Variants in ERO1A observed in about 807,000 individuals in gnomAD.
The protein encoded by ERO1A is endoplasmic reticulum oxidoreductase 1 alpha.
Under a neutral mutation model 76.9 loss-of-function variants are expected in ERO1A, and 49 were observed. That is an observed-to-expected ratio of 0.64 (90% CI 0.51 to 0.81). The LOEUF (loss-of-function observed/expected upper bound fraction) is 0.81. Ranked by LOEUF, ERO1A falls within the 30% of genes least tolerant of loss-of-function variation. The probability of loss-of-function intolerance (pLI) is 0.00; values close to 1 mark genes in which losing one functional copy is unlikely to be tolerated. For synonymous variants in ERO1A, 174 were observed against 181.2 expected, an observed-to-expected ratio of 0.96 and a Z score of 0.32; for missense variants, 448 against 542.1, an observed-to-expected ratio of 0.83 and a Z score of 1.72.
intron 1 of ERO1A, among the ~76,000 whole-genome samples, chr14:52,684,973 C>T (rs1322585324): frequency 6.6e-6 from 1 of 151,926 alleles, no homozygotes; most frequent in African/African-American, 2.4e-5. Flanking sequence ...TAGCATGCTC[C>T]AGAAAAGAGA....
chr14:52,685,661 C>G (rs890175060), intron 1 of ERO1A, among the ~76,000 whole-genome samples: 6 of 152,108 alleles, frequency 3.9e-5, no homozygotes, highest in Admixed American at 1.3e-4. Context: ...TCAAGGCATC[C>G]ATTCTTCCCC....
rs1392463455 is a variant in ERO1A at position 52,640,745 on chromosome 14, TGGA to T, written c.*2822_*2824del. On this transcript the variant is annotated 3_prime_UTR_variant, in exon 16 of 16. Transcript: ENST00000395686. ...TTAGACACTAAATGATAGGGGAAGG[TGGA>T]GGAGAGGAATGAGCCTAGAAAACTT... 2.0e-5 allele frequency: 3 copies of T among 151,698 alleles called. No homozygotes were observed. The East Asian group carries it at 5.8e-4, about 29-fold the overall frequency. 9.4% of individuals were successfully genotyped at this position (151,698 alleles called of 1,614,324 possible).
At chr14:52,687,704 T>C (rs2041222803) in intron 1 of ERO1A, among the ~76,000 whole-genome samples, 2 of 152,196 alleles carry the variant, frequency 1.3e-5, no homozygotes, top group Non-Finnish European at 2.9e-5. Context: ...GAATCTAAAT[T>C]TTTTTAAATG....
chr14:52,678,179 G>A (rs538485020), intron 4 of ERO1A: 5 of 269,582 alleles, frequency 1.9e-5, no homozygotes, highest in African/African-American at 6.6e-5. Context: ...GACAAGAATC[G>A]CTTGAACCGG....
rs977506822 is a variant in ERO1A at position 52,652,298 on chromosome 14, A to C, written c.1066T>G (p.Leu356Val). The change falls in exon 13 of 16, where the codon TTG becomes GTG. Residue 356 changes from leucine to valine, a missense_variant. Physicochemically the swap from Leu to Val is conservative, Grantham distance 32 (BLOSUM62 1). This residue lies in a region of ERO1A where 302 missense variants were observed against 411.9 expected (regional missense o/e 0.73). Transcript: ENST00000395686. ...AAAAATGAATTCTCATCAAAATGCA[A>C]AGGAAATGACCTGCGTTTTAAAACA... is the stretch of plus-strand genomic sequence containing the variant. Reference protein sequence around the residue: ...EILHEIKSFPLHFDENSFFAG... With the variant: ...EILHEIKSFPVHFDENSFFAG... The C allele has an allele frequency of 1.2e-6, 2 of 1,609,662 alleles. No homozygotes were observed. Among genetic ancestry groups the C allele is most frequent in the African/African-American group, 2.7e-5 (2 of 74,836 alleles).
intron 1 of ERO1A, among the ~76,000 whole-genome samples, chr14:52,692,089 G>C (rs983348008): frequency 6.6e-6 from 1 of 152,168 alleles, no homozygotes; most frequent in African/African-American, 2.4e-5. Flanking sequence ...CATGCAAATG[G>C]CTTGCTAAGC....
chr14:52,646,240 C>CT lies in ERO1A; in HGVS notation c.1259_1260insA (p.Ile421AspfsTer10). On this transcript the variant is annotated frameshift_variant, in exon 15 of 16. Transcript: ENST00000395686. LOFTEE classifies it high-confidence loss of function. Reference sequence around the variant, plus strand: ...GTCCACTTTCTGGCATATTTGCTATCAATTTCTCAGAAAATAAGATCTTCA... The same window carrying CT: ...GTCCACTTTCTGGCATATTTGCTATCTAATTTCTCAGAAAATAAGATCTTCA... 6.2e-7 allele frequency: 1 copy of CT among 1,613,840 alleles called. No homozygotes were observed.
intron 11 of ERO1A, among the ~76,000 whole-genome samples, chr14:52,654,414 G>A (rs2039976214): frequency 1.3e-5 from 2 of 151,860 alleles, no homozygotes; most frequent in Admixed American, 1.3e-4. Context: ...ACATAAGCCT[G>A]TATTTTTTTT....
intron 1 of ERO1A, among the ~76,000 whole-genome samples, chr14:52,686,644 G>A (rs986764012): frequency 6.6e-5 from 10 of 152,216 alleles, no homozygotes; most frequent in Non-Finnish European, 8.8e-5. Flanking sequence ...TTGGGTGGCC[G>A]AGGCAGGCGG....
In ERO1A at chr14:52,653,142, G is replaced by A. The variant is rs1485319706; in HGVS notation, c.982C>T (p.Gln328Ter). Residue 328 changes from glutamine (Q) to a stop codon, truncating the protein, a stop_gained, in exon 12 of 16, where the codon CAA becomes TAA. Transcript: ENST00000395686. LOFTEE classifies it high-confidence loss of function. The stretch of plus-strand genomic sequence containing the variant: ...TGAATTTTATTTCCAGTAAAGAGTT[G>A]AAAATCTGGGCGCTCGAAGAATGGT... Reference protein sequence around the residue: ...VLPFFERPDFQLFTGNKIQDE... With the variant: ...VLPFFERPDF 1.2e-6 allele frequency: 2 copies of A among 1,612,094 alleles called. No individual in the cohort carries two copies. Among genetic ancestry groups the A allele is most frequent in the East Asian group, 2.2e-5 (1 of 44,812 alleles).
chr14:52,671,765 A>C (rs1388879703), intron 5 of ERO1A, 30 bp downstream of exon 5: 1 of 1,590,566 alleles, frequency 6.3e-7, no homozygotes, highest in Admixed American at 1.7e-5. Flanking sequence ...ATAAAGAAAC[A>C]TGAAATACTG....
chr14:52,678,415 A>G lies in ERO1A; in HGVS notation c.357+19T>C. ...TTTTCATTAAGATACTGGACACATC[A>G]ATAGGTATACGTACACACCTTGTAG... is the stretch of plus-strand genomic sequence containing the variant. On this transcript the variant is annotated intron_variant, in intron 4 of 15. Coordinates refer to ENST00000395686, the MANE Select transcript of ERO1A (RefSeq NM_014584.3). 6.2e-7 allele frequency: 1 copy of G among 1,607,634 alleles called. No individual in the cohort carries two copies.
At chr14:52,664,133 A>G in intron 7 of ERO1A, 1 of 223,588 alleles carries the variant, frequency 4.5e-6, no homozygotes, top group Admixed American at 5.6e-5. Flanking sequence ...CGGAGTCACT[A>G]CTATGTTTTT....
chr14:52,666,416 A>T lies in ERO1A; in HGVS notation c.588T>A (p.Ala196=), dbSNP rs34388088. 7.5e-6 allele frequency: 12 copies of T among 1,609,080 alleles called. No homozygotes were observed. In the East Asian group the frequency reaches 2.5e-4, roughly 33 times the overall value. ...ERYTGYKGPD[A]WKIWNVIYEE... The stretch of plus-strand genomic sequence containing the variant: ...CGTAGATGACATTCCATATTTTCCA[A>T]GCATCTGGTCCCTTGTAACCAGTGT... Residue 196 remains alanine, a synonymous_variant, in exon 7 of 16, where the codon GCT becomes GCA. Coordinates refer to ENST00000395686, the MANE Select transcript of ERO1A (RefSeq NM_014584.3).
chr14:52,646,788 C>T (rs1345966923), intron 13 of ERO1A: 2 of 203,210 alleles, frequency 9.8e-6, no homozygotes, highest in East Asian at 2.4e-4. Flanking sequence ...GACTCCAAAG[C>T]TAAACTATCT....
At chr14:52,661,361 A>G in intron 8 of ERO1A, 57 bp from the exon 9 acceptor site, 1 of 1,357,498 alleles carries the variant, frequency 7.4e-7, no homozygotes, top group Non-Finnish European at 9.8e-7. Flanking sequence ...CCCCTTTTAT[A>G]ATGCTACACT....
intron 8 of ERO1A, 148 bp from the exon 9 acceptor site, chr14:52,661,452 T>C: frequency 2.1e-6 from 1 of 479,978 alleles, no homozygotes. Flanking sequence ...AGTGAGACAT[T>C]CGTGACTGCA....
intron 4 of ERO1A, among the ~76,000 whole-genome samples, chr14:52,675,354 G>C (rs2040748100): frequency 2.0e-5 from 3 of 151,300 alleles, no homozygotes; most frequent in African/African-American, 7.3e-5. Context: ...TTGCACTCCA[G>C]ACTGTGGACA....
rs772276819 is a variant in ERO1A at position 52,683,889 on chromosome 14, C to T, written c.133G>A (p.Asp45Asn). 3 of 1,587,042 alleles carry T rather than the reference C, an allele frequency of 1.9e-6. No homozygotes were observed. The South Asian group carries it at 3.5e-5, about 18-fold the overall frequency. Reference sequence around the variant, plus strand: ...ATGGTTTCAACATCACAGGTACAATCATCCAAGTAACCACTAACCTGTTAC... The same window carrying T: ...ATGGTTTCAACATCACAGGTACAATTATCCAAGTAACCACTAACCTGTTAC... ...CFCQVSGYLDDCTCDVETIDR... is the reference protein window; with the variant it reads ...CFCQVSGYLDNCTCDVETIDR... Residue 45 changes from aspartate to asparagine, a missense_variant, in exon 2 of 16, where the codon GAT (aspartate) becomes AAT (asparagine). By Grantham distance (23) the Asp-to-Asn change is conservative. Transcript: ENST00000395686.
Sources: gnomAD v4.1 joint callset for allele counts (sites outside exome capture counted in the v4.1 genomes callset) on GRCh38, gnomAD v4.1.1 for gene constraint, gnomAD v4.1.1 regional missense constraint, MANE v1.5 for transcripts, NCBI Gene and HGNC (gene_info 2026-07-23, HGNC 2026-07-21) for gene names.